Variants in EXOC5 observed in about 807,000 individuals in gnomAD.
EXOC5 encodes the protein exocyst complex component 5.
A neutral mutation model predicts 90.8 loss-of-function variants in EXOC5; 17 were observed. That is an observed-to-expected ratio of 0.19 (90% CI 0.13 to 0.28). EXOC5 has a LOEUF of 0.28. Ranked by LOEUF, EXOC5 falls within the 10% of genes least tolerant of loss-of-function variation. EXOC5 has a pLI of 1.00. For missense variants in EXOC5, 569 were observed against 830.6 expected, an observed-to-expected ratio of 0.69 and a Z score of 3.87; for synonymous variants, 260 against 270.0, an observed-to-expected ratio of 0.96 and a Z score of 0.36.
rs765501324 is a variant in EXOC5, at chr14:57,208,757, A to T, written c.1979T>A (p.Leu660His). ...VLHLFDTLHALCNLLVVAPDN... is the reference protein window; with the variant it reads ...VLHLFDTLHAHCNLLVVAPDN... ...TGGGGCAACTACCAGAAGATTGCAA[A>T]GAGCATGCAGAGTATCAAAAAGATG... Residue 660 changes from leucine (L) to histidine (H), a missense_variant, in exon 18 of 18, where the codon CTT (leucine) becomes CAT (histidine). Leu to His is a moderately conservative substitution (Grantham distance 99). Coordinates refer to ENST00000621441, the MANE Select transcript of EXOC5 (RefSeq NM_006544.4). 6.2e-7 allele frequency: 1 copy of T among 1,609,092 alleles called. No homozygotes were observed. The highest frequency in any genetic ancestry group is 8.5e-7 in the Non-Finnish European group (1 of 1,176,068).
intron 5 of EXOC5, among the ~76,000 whole-genome samples, chr14:57,238,041 G>C (rs1883718142): frequency 6.6e-6 from 1 of 151,904 alleles, no homozygotes; most frequent in East Asian, 1.9e-4. Flanking sequence ...ATTGTTTGAA[G>C]AGAGAGGAGA....
At chr14:57,261,096 C>T (rs1046872627) in intron 1 of EXOC5, among the ~76,000 whole-genome samples, 7 of 152,102 alleles carry the variant, frequency 4.6e-5, no homozygotes, top group African/African-American at 1.7e-4. Flanking sequence ...GAAAAGTTTG[C>T]TAAGTTTTAA....
intron 1 of EXOC5, among the ~76,000 whole-genome samples, chr14:57,254,829 TAAGAG>T (rs1178225238): frequency 6.6e-6 from 1 of 152,166 alleles, no homozygotes; most frequent in South Asian, 2.1e-4. Context: ...GCCTACAAGC[TAAGAG>T]AAGAGGCCTC....
chr14:57,261,788 G>A (rs1884509842), intron 1 of EXOC5, among the ~76,000 whole-genome samples: 1 of 152,200 alleles, frequency 6.6e-6, no homozygotes, highest in Non-Finnish European at 1.5e-5. Context: ...CCAGAGCCAA[G>A]GGCAAAGGGC....
intron 1 of EXOC5, among the ~76,000 whole-genome samples, chr14:57,260,834 A>G (rs1169164251): frequency 6.6e-6 from 1 of 152,204 alleles, no homozygotes; most frequent in African/African-American, 2.4e-5. Context: ...TAGTGCCTTT[A>G]ACATTTATAG....
chr14:57,248,102 T>G (rs1884081931), intron 1 of EXOC5, among the ~76,000 whole-genome samples: 1 of 151,792 alleles, frequency 6.6e-6, no homozygotes, highest in East Asian at 1.9e-4. Context: ...AAGTTTTTTT[T>G]TTTTTTAATT....
At chr14:57,220,488 C>G (rs989793249) in intron 13 of EXOC5, among the ~76,000 whole-genome samples, 2 of 151,902 alleles carry the variant, frequency 1.3e-5, no homozygotes, top group African/African-American at 4.8e-5. Flanking sequence ...ACAAACAGTC[C>G]AGCAGCGGCA....
In EXOC5 at chr14:57,244,366, A is replaced by G; in HGVS notation, c.271-7T>C. The stretch of plus-strand genomic sequence containing the variant: ...GGAAATGTTGGAAGGCAACCTAGGA[A>G]AAATGTGCATAAGCATAAAATACAA... On this transcript the variant is annotated splice_region_variant and splice_polypyrimidine_tract_variant and intron_variant, in intron 3 of 17. Coordinates refer to ENST00000621441, the MANE Select transcript of EXOC5 (RefSeq NM_006544.4). 6.2e-7 allele frequency: 1 copy of G among 1,605,440 alleles called. No individual in the cohort carries two copies. Among genetic ancestry groups the G allele is most frequent in the South Asian group, 1.1e-5 (1 of 90,784 alleles).
intron 1 of EXOC5, among the ~76,000 whole-genome samples, chr14:57,254,835 A>T (rs1051748604): frequency 6.6e-6 from 1 of 152,152 alleles, no homozygotes; most frequent in Non-Finnish European, 1.5e-5. Flanking sequence ...AAGCTAAGAG[A>T]AGAGGCCTCA....
intron 1 of EXOC5, among the ~76,000 whole-genome samples, chr14:57,264,129 T>C (rs1884599152): frequency 6.6e-6 from 1 of 152,234 alleles, no homozygotes; most frequent in Admixed American, 6.5e-5. Flanking sequence ...ACAGATTCAT[T>C]CAACGTTTGC....
At chr14:57,262,749 G>A (rs769412101) in intron 1 of EXOC5, among the ~76,000 whole-genome samples, 1 of 149,388 alleles carries the variant, frequency 6.7e-6, no homozygotes, top group Non-Finnish European at 1.5e-5. Context: ...ATGTGTGTGT[G>A]TATATATATA....
intron 9 of EXOC5, among the ~76,000 whole-genome samples, 188 bp downstream of exon 9, chr14:57,233,555 T>C (rs1883549850): frequency 6.6e-6 from 1 of 152,140 alleles, no homozygotes; most frequent in Admixed American, 6.5e-5. Context: ...TACTTATTGA[T>C]TAGCACTTTC....
At chr14:57,230,854 C>T (rs534416095) in intron 11 of EXOC5, among the ~76,000 whole-genome samples, 242 of 149,814 alleles carry the variant, frequency 1.6e-3, no homozygotes, top group African/African-American at 5.6e-3. Context: ...ACACCTGCAA[C>T]AGTAACAAAA....
At chr14:57,223,026 C>T (rs1883200461) in intron 12 of EXOC5, among the ~76,000 whole-genome samples, 1 of 151,858 alleles carries the variant, frequency 6.6e-6, no homozygotes, top group African/African-American at 2.4e-5. Flanking sequence ...ATTAAGTGAA[C>T]CTTTGAGATG....
At chr14:57,261,686 C>T (rs1334311354) in intron 1 of EXOC5, among the ~76,000 whole-genome samples, 2 of 152,202 alleles carry the variant, frequency 1.3e-5, no homozygotes, top group African/African-American at 4.8e-5. Context: ...CTGGTCTCTG[C>T]TCCACATGAA....
At chr14:57,222,187 T>TTTTA (rs1883159673) in intron 13 of EXOC5, 121 bp downstream of exon 13, 1 of 533,922 alleles carries the variant, frequency 1.9e-6, no homozygotes, top group Admixed American at 3.7e-5. Context: ...AAGCTCAAAC[T>TTTTA]TCATTGCACC....
chr14:57,262,670 G>GTA (rs1291957099), intron 1 of EXOC5, among the ~76,000 whole-genome samples: 3 of 142,184 alleles, frequency 2.1e-5, no homozygotes, highest in South Asian at 2.1e-4. Flanking sequence ...ATACATAAGT[G>GTA]TATATATATA....
In EXOC5 at chr14:57,204,642, C is replaced by G. The variant is rs1882595046; in HGVS notation, c.*3967G>C. On this transcript the variant is annotated 3_prime_UTR_variant, in exon 18 of 18. Coordinates refer to ENST00000621441, the MANE Select transcript of EXOC5 (RefSeq NM_006544.4). ...ATAGTACAAAATATTTGGTCTCTTT[C>G]TATTGTGAAAATTATCAAGCTGGAA... 1 of 152,330 alleles carries G rather than the reference C, an allele frequency of 6.6e-6. No individual in the cohort carries two copies. Among genetic ancestry groups the G allele is most frequent in the Non-Finnish European group, 1.5e-5 (1 of 67,880 alleles). 9.4% of individuals were successfully genotyped at this position (152,330 alleles called of 1,614,324 possible). A position where few individuals can be genotyped will look rare whatever the true frequency, so the allele number is the denominator to read the frequency against.
At chr14:57,261,600 C>CA (rs1413952928) in intron 1 of EXOC5, among the ~76,000 whole-genome samples, 1 of 152,234 alleles carries the variant, frequency 6.6e-6, no homozygotes, top group African/African-American at 2.4e-5. Flanking sequence ...AACAACCACT[C>CA]AAATAGTTAG....
Sources: allele counts gnomAD v4.1 joint callset (sites outside exome capture counted in the v4.1 genomes callset), GRCh38; gene constraint gnomAD v4.1.1; transcripts MANE v1.5; gene names NCBI Gene and HGNC (gene_info 2026-07-23, HGNC 2026-07-21).